The following CNTNAP2 variants were observed in gnomAD, a reference collection of about 807,000 sequenced individuals.
The protein encoded by CNTNAP2 is contactin-associated protein-like 2.
CNTNAP2 carries 98 observed loss-of-function variants against 155.2 expected under a neutral mutation model. The observed-to-expected ratio is 0.63, with a 90% CI of 0.54 to 0.75. CNTNAP2 has a LOEUF of 0.75. Ranked by LOEUF, CNTNAP2 falls within the 30% of genes least tolerant of loss-of-function variation. The probability of loss-of-function intolerance (pLI) is 0.00; values close to 1 mark genes in which losing one functional copy is unlikely to be tolerated. For synonymous variants in CNTNAP2, 651 were observed against 631.2 expected (o/e 1.03, Z -0.47); for missense variants, 1,727 against 1,688.1 (o/e 1.02, Z -0.40).
intron 20 of CNTNAP2, among the ~76,000 whole-genome samples, chr7:148,247,084 C>G (rs936545845): frequency 6.6e-6 from 1 of 152,178 alleles, no homozygotes; most frequent in Non-Finnish European, 1.5e-5. Context: ...CAAACCTCTT[C>G]AAGTTCTTCC....
intron 13 of CNTNAP2, among the ~76,000 whole-genome samples, chr7:147,733,747 T>A (rs1289738967): frequency 6.6e-6 from 1 of 152,212 alleles, no homozygotes; most frequent in Non-Finnish European, 1.5e-5. Context: ...CCTTTGTAAG[T>A]TGGATTCCTA....
chr7:148,292,506 G>A (rs1410883044), intron 21 of CNTNAP2, among the ~76,000 whole-genome samples: 4 of 152,202 alleles, frequency 2.6e-5, no homozygotes, highest in Non-Finnish European at 4.4e-5. Flanking sequence ...GTTACAGTGT[G>A]TAGCATGCTG....
intron 3 of CNTNAP2, among the ~76,000 whole-genome samples, chr7:147,013,672 T>G (rs1798667267): frequency 6.6e-6 from 1 of 152,166 alleles, no homozygotes; most frequent in African/African-American, 2.4e-5. Context: ...TTACAGCATA[T>G]GTTCTTAGCA....
At chr7:146,426,100 CT>C (rs1405621414) in intron 1 of CNTNAP2, among the ~76,000 whole-genome samples, 1 of 138,066 alleles carries the variant, frequency 7.2e-6, no homozygotes, top group Non-Finnish European at 1.5e-5. Flanking sequence ...GAAGGAGAAT[CT>C]TTTGAACTCG....
chr7:147,760,355 A>G (rs1162154841), intron 13 of CNTNAP2, among the ~76,000 whole-genome samples: 1 of 151,966 alleles, frequency 6.6e-6, no homozygotes. Flanking sequence ...TAAACGTCAG[A>G]TTTGGGAGTA....
At chr7:147,342,456 A>C (rs1400256447) in intron 9 of CNTNAP2, among the ~76,000 whole-genome samples, 1 of 152,186 alleles carries the variant, frequency 6.6e-6, no homozygotes, top group Non-Finnish European at 1.5e-5. Flanking sequence ...TTTTCAAGGC[A>C]ATTTCACATA....
intron 11 of CNTNAP2, among the ~76,000 whole-genome samples, chr7:147,502,134 A>G (rs548305840): frequency 3.2e-4 from 48 of 152,342 alleles, no homozygotes; most frequent in Admixed American, 3.0e-3. Flanking sequence ...AGTTAGTCCC[A>G]CTAAAATATC....
intron 1 of CNTNAP2, among the ~76,000 whole-genome samples, chr7:146,138,583 C>G (rs890718293): frequency 6.6e-6 from 1 of 151,964 alleles, no homozygotes; most frequent in Non-Finnish European, 1.5e-5. Context: ...ACGTGTAGAC[C>G]TTGTAGTCCA....
At chr7:148,080,964 A>G (rs116988262) in intron 15 of CNTNAP2, among the ~76,000 whole-genome samples, 4,344 of 152,288 alleles carry the variant, frequency 0.029, 86 homozygotes, top group South Asian at 0.066. Context: ...CGGGGAGGAA[A>G]GAATAAAGGA....
At chr7:146,918,529 A>G (rs1419651509) in intron 3 of CNTNAP2, among the ~76,000 whole-genome samples, 1 of 152,148 alleles carries the variant, frequency 6.6e-6, no homozygotes, top group African/African-American at 2.4e-5. Context: ...TAGCTTGTAG[A>G]GTTTCTGCTG....
At chr7:147,158,396 T>C (rs1412074989) in intron 8 of CNTNAP2, among the ~76,000 whole-genome samples, 1 of 152,112 alleles carries the variant, frequency 6.6e-6, no homozygotes. Flanking sequence ...AATAATGCTA[T>C]TTATGATAAT....
chr7:146,358,321 A>G (rs1290945896), intron 1 of CNTNAP2, among the ~76,000 whole-genome samples: 1 of 152,108 alleles, frequency 6.6e-6, no homozygotes, highest in African/African-American at 2.4e-5. Flanking sequence ...GGCGTGAGCC[A>G]CCTCGCCTGG....
At chr7:147,121,263 T>G in intron 6 of CNTNAP2, 100 bp downstream of exon 6, 5 of 1,151,534 alleles carry the variant, frequency 4.3e-6, no homozygotes, top group Non-Finnish European at 6.2e-6. Context: ...CTTACACCTT[T>G]TTTATTTTCT....
chr7:146,291,188 TAGG>T (rs1280101917), intron 1 of CNTNAP2, among the ~76,000 whole-genome samples: 2 of 152,212 alleles, frequency 1.3e-5, no homozygotes, highest in Admixed American at 6.5e-5. Flanking sequence ...CTTCAGAGAA[TAGG>T]AGAATATTTC....
chr7:148,407,162 T>G (rs2116710399), intron 22 of CNTNAP2, among the ~76,000 whole-genome samples: 1 of 152,060 alleles, frequency 6.6e-6, no homozygotes, highest in South Asian at 2.1e-4. Flanking sequence ...TATTATATGT[T>G]TTTATATAAA....
At chr7:147,964,541 C>G (rs1399404827) in intron 14 of CNTNAP2, among the ~76,000 whole-genome samples, 1 of 152,124 alleles carries the variant, frequency 6.6e-6, no homozygotes, top group Non-Finnish European at 1.5e-5. Context: ...AATAAATTCA[C>G]ATTAACAAAT....
rs939533387 is a variant in CNTNAP2, at chr7:147,352,791, C to A, written c.1499-42818C>A. On this transcript the variant is annotated intron_variant, in intron 9 of 23. Transcript: ENST00000361727. ...TTCCACATGGAAAAAAATTCAAAAC[C>A]AGGCAGTAGATAGATAAAATTATTC... Among the ~76,000 whole-genome samples the A allele has an allele frequency of 7.9e-5, 12 of 151,828 alleles. No individual in the cohort carries two copies. In the South Asian group the frequency reaches 1.5e-3, roughly 18 times the overall value.
intron 15 of CNTNAP2, among the ~76,000 whole-genome samples, chr7:148,040,675 T>C (rs572745537): frequency 1.4e-4 from 21 of 152,370 alleles, no homozygotes; most frequent in African/African-American, 4.8e-4. Context: ...CATTCATTTG[T>C]ATATTCATTC....
At chr7:147,626,348 T>G (rs1054940643) in intron 12 of CNTNAP2, among the ~76,000 whole-genome samples, 21 of 150,228 alleles carry the variant, frequency 1.4e-4, no homozygotes, top group Admixed American at 3.3e-4. Flanking sequence ...CATGGGGGGG[T>G]GGGTTAGGCC....
Sources: allele counts gnomAD v4.1 joint callset (sites outside exome capture counted in the v4.1 genomes callset), GRCh38; gene constraint gnomAD v4.1.1; transcripts MANE v1.5; gene names NCBI Gene and HGNC (gene_info 2026-07-23, HGNC 2026-07-21).